The following DPP10 variants were observed in gnomAD, a reference collection of about 807,000 sequenced individuals.
DPP10 encodes the protein dipeptidyl peptidase like 10.
DPP10 carries 33 observed loss-of-function variants against 120.9 expected under a neutral mutation model. The ratio of observed to expected loss-of-function variants is 0.27; its 90% confidence interval spans 0.21 to 0.37. The LOEUF is 0.37. Among genes scored for constraint, DPP10 ranks in the 10% least tolerant of loss-of-function variants. DPP10 has a pLI of 1.00. For synonymous variants in DPP10, 337 were observed against 326.1 expected (o/e 1.03, Z -0.36); for missense variants, 816 against 942.8 (o/e 0.87, Z 1.76).
intron 10 of DPP10, among the ~76,000 whole-genome samples, chr2:115,751,247 G>A (rs942546655): frequency 6.6e-6 from 1 of 151,898 alleles, no homozygotes. Flanking sequence ...ATCTATTAAA[G>A]GTTAATACTT....
At chr2:115,143,114 G>T (rs958641939) in intron 1 of DPP10, among the ~76,000 whole-genome samples, 4 of 152,142 alleles carry the variant, frequency 2.6e-5, no homozygotes, top group Non-Finnish European at 5.9e-5. Context: ...CTCCCAGCTA[G>T]ATTCACATGC....
chr2:114,456,434 A>C (rs1395083093), intron 1 of DPP10, among the ~76,000 whole-genome samples: 1 of 152,212 alleles, frequency 6.6e-6, no homozygotes, highest in Admixed American at 6.5e-5. Flanking sequence ...TGGTCTAGCC[A>C]GGATCAGGGT....
chr2:114,450,588 T>G (rs924540839), intron 1 of DPP10, among the ~76,000 whole-genome samples: 2 of 152,148 alleles, frequency 1.3e-5, no homozygotes, highest in Non-Finnish European at 1.5e-5. Context: ...TTCAGAAATA[T>G]ATTGGTCTTT....
Position 115,842,475 on chromosome 2 carries a change from AG to A in DPP10, c.*131del, listed in dbSNP as rs1265592772. The A allele has an allele frequency of 5.6e-5, 60 of 1,074,780 alleles. No individual in the cohort carries two copies. In the East Asian group the frequency reaches 1.0e-3, roughly 18 times the overall value. 66.6% of individuals were successfully genotyped at this position (1,074,780 alleles called of 1,614,324 possible). ...GAGATGTCACTGGAGCAGCACGCTC[AG>A]AGACAGTGAACTAGCATTTGAATAC... On this transcript the variant is annotated 3_prime_UTR_variant, in exon 26 of 26. Coordinates refer to ENST00000410059, the MANE Select transcript of DPP10 (RefSeq NM_020868.6).
At position 115,189,294 on chromosome 2, in the gene DPP10, G is replaced by A. The variant is rs967603837; in HGVS notation, c.61-119945G>A. On this transcript the variant is annotated intron_variant, in intron 1 of 25. Coordinates refer to ENST00000410059, the MANE Select transcript of DPP10 (RefSeq NM_020868.6). Reference sequence around the variant, plus strand: ...TTTAAAGAGATCAGGGGTATAAGCCGGAGTGGCGGGGTGAGTAGTTTGGCA... The same window carrying A: ...TTTAAAGAGATCAGGGGTATAAGCCAGAGTGGCGGGGTGAGTAGTTTGGCA... Among the ~76,000 whole-genome samples, 4 of 152,124 alleles carry A rather than the reference G, an allele frequency of 2.6e-5. No individual in the cohort carries two copies. The South Asian group carries it at 6.2e-4, about 24-fold the overall frequency.
At chr2:114,864,390 A>G (rs1228023671) in intron 1 of DPP10, among the ~76,000 whole-genome samples, 1 of 152,208 alleles carries the variant, frequency 6.6e-6, no homozygotes, top group Non-Finnish European at 1.5e-5. Context: ...AATGGAGACA[A>G]CAATATTAAC....
chr2:115,782,070 G>C (rs1682828686), intron 16 of DPP10, among the ~76,000 whole-genome samples: 1 of 151,932 alleles, frequency 6.6e-6, no homozygotes, highest in Admixed American at 6.6e-5. Context: ...GAGATAAAGA[G>C]AAAGCATGTA....
intron 21 of DPP10, among the ~76,000 whole-genome samples, chr2:115,830,971 T>G (rs1688858477): frequency 6.6e-6 from 1 of 152,166 alleles, no homozygotes; most frequent in African/African-American, 2.4e-5. Flanking sequence ...TTCTAAGGTT[T>G]AAAGCTTCAG....
At chr2:115,433,119 T>G (rs1420618994) in intron 3 of DPP10, among the ~76,000 whole-genome samples, 1 of 152,066 alleles carries the variant, frequency 6.6e-6, no homozygotes, top group East Asian at 1.9e-4. Flanking sequence ...GGGTTAACAG[T>G]CATAGCTAGA....
chr2:115,223,869 A>T (rs2057303104), intron 1 of DPP10, among the ~76,000 whole-genome samples: 1 of 152,136 alleles, frequency 6.6e-6, no homozygotes, highest in East Asian at 1.9e-4. Context: ...CCTTTCACCA[A>T]CACGTCTTGT....
intron 1 of DPP10, among the ~76,000 whole-genome samples, chr2:115,142,670 C>G (rs1035958640): frequency 3.3e-5 from 5 of 152,060 alleles, no homozygotes; most frequent in Admixed American, 6.6e-5. Context: ...GGCTTTAGAC[C>G]CTTCTGAAGA....
At chr2:115,801,827 C>T (rs569924983) in intron 19 of DPP10, among the ~76,000 whole-genome samples, 2,834 of 152,148 alleles carry the variant, frequency 0.019, 88 homozygotes, top group African/African-American at 0.062. Context: ...CTGCTGGATT[C>T]GGTTTGCCAG....
intron 1 of DPP10, among the ~76,000 whole-genome samples, chr2:114,802,604 C>T (rs148324219): frequency 8.9e-4 from 136 of 152,184 alleles, no homozygotes; most frequent in African/African-American, 2.9e-3. Context: ...ATAATGAAAA[C>T]GGACTGCTCC....
chr2:114,962,101 A>T, intron 1 of DPP10, among the ~76,000 whole-genome samples: 1 of 152,144 alleles, frequency 6.6e-6, no homozygotes, highest in East Asian at 1.9e-4. Context: ...AGGGCTCATT[A>T]TGTGCTATAC....
chr2:115,345,393 C>A (rs1416563979), intron 3 of DPP10, among the ~76,000 whole-genome samples: 1 of 152,092 alleles, frequency 6.6e-6, no homozygotes, highest in African/African-American at 2.4e-5. Context: ...TGTCCAAATA[C>A]ACAAATCTCT....
chr2:115,281,247 G>T (rs924680634), intron 1 of DPP10, among the ~76,000 whole-genome samples: 1 of 152,080 alleles, frequency 6.6e-6, no homozygotes, highest in African/African-American at 2.4e-5. Context: ...GTAAAACTTC[G>T]GCTTTTCATT....
intron 9 of DPP10, among the ~76,000 whole-genome samples, chr2:115,742,738 T>C (rs1677444639): frequency 6.6e-6 from 1 of 152,116 alleles, no homozygotes; most frequent in Non-Finnish European, 1.5e-5. Context: ...AATTCACTCT[T>C]ATGTGATAAA....
chr2:114,831,430 A>G (rs1398587969), intron 1 of DPP10, among the ~76,000 whole-genome samples: 4 of 152,278 alleles, frequency 2.6e-5, no homozygotes, highest in African/African-American at 9.6e-5. Context: ...GGACCAACTC[A>G]GAAATGTAGG....
At chr2:114,576,314 A>T (rs1187564337) in intron 1 of DPP10, among the ~76,000 whole-genome samples, 2 of 152,210 alleles carry the variant, frequency 1.3e-5, no homozygotes, top group Admixed American at 6.5e-5. Flanking sequence ...TTAAAAAGTG[A>T]TTATCACATT....
Sources: allele counts gnomAD v4.1 joint callset (sites outside exome capture counted in the v4.1 genomes callset), GRCh38; gene constraint gnomAD v4.1.1; transcripts MANE v1.5; gene names NCBI Gene and HGNC (gene_info 2026-07-23, HGNC 2026-07-21).